B4GALT2: variants seen among roughly 807,000 people sequenced by gnomAD.
B4GALT2 encodes N-acetyllactosamine synthase.
In B4GALT2, 18 loss-of-function variants were observed where a neutral mutation model predicts 33.2. The observed-to-expected ratio is 0.54, with a 90% CI of 0.38 to 0.80. The LOEUF is 0.80. Among genes scored for constraint, B4GALT2 ranks in the 30% least tolerant of loss-of-function variants. B4GALT2 has a pLI of 0.00. For synonymous variants in B4GALT2, 214 were observed against 217.6 expected (o/e 0.98, Z 0.15); for missense variants, 404 against 526.2 (o/e 0.77, Z 2.27).
At position 43,981,783 on chromosome 1, in the gene B4GALT2, G is replaced by A. The variant is rs764103726; in HGVS notation, c.408G>A (p.Pro136=). Reference sequence around the variant, plus strand: ...TGCTCATGGGCGGCCGATACACACCGCCCGACTGCACCCCAGCCCAGACGG... The same window carrying A: ...TGCTCATGGGCGGCCGATACACACCACCCGACTGCACCCCAGCCCAGACGG... The part of the protein sequence containing the change: ...PGVLMGGRYT[P]PDCTPAQTVA... Residue 136 remains proline, a synonymous_variant, in exon 3 of 7, where the codon CCG becomes CCA. Transcript: ENST00000372324. The surrounding 1 kb of genome is among the most constrained non-coding windows in gnomAD (Gnocchi z 8.1). 58 of 1,613,528 alleles carry A rather than the reference G, an allele frequency of 3.6e-5. No individual in the cohort carries two copies. Among genetic ancestry groups the A allele is most frequent in the South Asian group, 6.6e-5 (6 of 91,088 alleles).
Position 43,985,549 on chromosome 1 carries a change from C to G in B4GALT2, c.896C>G (p.Pro299Arg). The G allele has an allele frequency of 6.2e-7, 1 of 1,613,832 alleles. No homozygotes were observed. Among genetic ancestry groups the G allele is most frequent in the Non-Finnish European group, 8.5e-7 (1 of 1,179,978 alleles). The change falls in exon 6 of 7, where the codon CCA becomes CGA. Residue 299 changes from proline (P) to arginine (R), a missense_variant. Coordinates refer to ENST00000372324, the MANE Select transcript of B4GALT2 (RefSeq NM_003780.5). ...ISLTGMKISR[P>R]DIRIGRYRMI... The stretch of plus-strand genomic sequence containing the variant: ...CTGACTGGGATGAAGATCTCACGCC[C>G]AGACATCCGAATCGGCCGCTACCGC...
At position 43,981,206 on chromosome 1, in the gene B4GALT2, G is replaced by C; in HGVS notation, c.46G>C (p.Val16Leu). ...GACGCTGGAGCGCGTCTGCAAGGCT[G>C]TGCTCCTTCTCTGCCTGCTGCACTT... ...GGTLERVCKA[V>L]LLLCLLHFLV... Residue 16 changes from valine to leucine, a missense_variant, in exon 2 of 7, where the codon GTG becomes CTG. By Grantham distance (32) the Val-to-Leu change is conservative. Coordinates refer to ENST00000372324, the MANE Select transcript of B4GALT2 (RefSeq NM_003780.5). This position sits in a 1 kb window ranked among gnomAD's most constrained non-coding sequence, Gnocchi z 8.1. 1 of 1,603,254 alleles carries C rather than the reference G, an allele frequency of 6.2e-7. No homozygotes were observed. The highest frequency in any genetic ancestry group is 8.5e-7 in the Non-Finnish European group (1 of 1,179,870).
In B4GALT2 at chr1:43,982,035, CGGTGTTTG is replaced by C; in HGVS notation, c.549+112_549+119del. The C allele has an allele frequency of 2.8e-6, 3 of 1,075,974 alleles. No individual in the cohort carries two copies. Among genetic ancestry groups the C allele is most frequent in the Non-Finnish European group, 4.0e-6 (3 of 741,118 alleles). The allele number at this position is 1,075,974 out of a possible 1,614,324, so 66.7% of individuals were successfully genotyped here. On this transcript the variant is annotated intron_variant, in intron 3 of 6. Transcript: ENST00000372324. The surrounding 1 kb of genome is among the most constrained non-coding windows in gnomAD (Gnocchi z 4.3). ...GTGGATGGACCTGGGCGTGGGTAGT[CGGTGTTTG>C]TCAGTGTGCACAGGAATGTGTACGC...
At position 43,990,648 on chromosome 1, in the gene B4GALT2, G is replaced by A; in HGVS notation, c.*200G>A. ...CCTCCTGCCTGGGCAGGCTCTTCAAGTGTGGCCCTCTTTGGAGTCAACCCT... is the reference window on the plus strand; with the variant it reads ...CCTCCTGCCTGGGCAGGCTCTTCAAATGTGGCCCTCTTTGGAGTCAACCCT... On this transcript the variant is annotated 3_prime_UTR_variant, in exon 7 of 7. Coordinates refer to ENST00000372324, the MANE Select transcript of B4GALT2 (RefSeq NM_003780.5). 1.4e-6 allele frequency: 1 copy of A among 697,602 alleles called. No homozygotes were observed. The highest frequency in any genetic ancestry group is 2.3e-6 in the Non-Finnish European group (1 of 428,458). The allele number at this position is 697,602 out of a possible 1,614,324, so 43.2% of individuals were successfully genotyped here.
chr1:43,979,852 C>T lies in B4GALT2; in HGVS notation c.-53+341C>T, dbSNP rs2085574420. On this transcript the variant is annotated intron_variant, in intron 1 of 6. Coordinates refer to ENST00000372324, the MANE Select transcript of B4GALT2 (RefSeq NM_003780.5). This position sits in a 1 kb window ranked among gnomAD's most constrained non-coding sequence, Gnocchi z 4.8. Reference sequence around the variant, plus strand: ...AGGCTCCACACCCACCCGGTCTGTGCGGCCTGCCCGTCCGCGGGTGCCACG... The same window carrying T: ...AGGCTCCACACCCACCCGGTCTGTGTGGCCTGCCCGTCCGCGGGTGCCACG... 6 of 732,736 alleles carry T rather than the reference C, an allele frequency of 8.2e-6. No homozygotes were observed. The highest frequency in any genetic ancestry group is 3.6e-5 in the African/African-American group (2 of 55,520). The allele number at this position is 732,736 out of a possible 1,614,324, so 45.4% of individuals were successfully genotyped here.
intron 6 of B4GALT2, 129 bp from the exon 7 acceptor site, chr1:43,990,169 C>T: frequency 8.5e-7 from 1 of 1,179,850 alleles, no homozygotes; most frequent in Non-Finnish European, 1.2e-6. Flanking sequence ...TAGCTGGAAA[C>T]CCTGTTTTTA....
Position 43,985,505 on chromosome 1 carries a change from C to A in B4GALT2, c.864-12C>A, listed in dbSNP as rs542373895. The A allele has an allele frequency of 5.0e-6, 8 of 1,612,736 alleles. No individual in the cohort carries two copies. Among genetic ancestry groups the A allele is most frequent in the Admixed American group, 1.7e-5 (1 of 59,954 alleles). ...CTGGAGCCTGTTCCAGTCTGTCCGTCCCCATCCTCAGGATCTCCCTGACTG... is the reference window on the plus strand; with the variant it reads ...CTGGAGCCTGTTCCAGTCTGTCCGTACCCATCCTCAGGATCTCCCTGACTG... On this transcript the variant is annotated splice_polypyrimidine_tract_variant and intron_variant, in intron 5 of 6. Transcript: ENST00000372324.
chr1:43,985,461 G>A, intron 5 of B4GALT2, 56 bp from the exon 6 acceptor site: 1 of 1,527,786 alleles, frequency 6.5e-7, no homozygotes. Flanking sequence ...TGCAGACTGG[G>A]TGGGGTTCTT....
chr1:43,979,572 G>C lies in B4GALT2; in HGVS notation c.-53+61G>C, dbSNP rs914282214. ...CCCGAGATTCCAGACCCAGCCCCGCGAGGGGCACCCCGAGCGCGGCCCCGA... is the reference window on the plus strand; with the variant it reads ...CCCGAGATTCCAGACCCAGCCCCGCCAGGGGCACCCCGAGCGCGGCCCCGA... On this transcript the variant is annotated intron_variant, in intron 1 of 6. Transcript: ENST00000372324. This position sits in a 1 kb window ranked among gnomAD's most constrained non-coding sequence, Gnocchi z 4.8. 2 of 159,322 alleles carry C rather than the reference G, an allele frequency of 1.3e-5. No homozygotes were observed. Among genetic ancestry groups the C allele is most frequent in the African/African-American group, 4.9e-5 (2 of 41,138 alleles). The allele number at this position is 159,322 out of a possible 1,614,324, so 9.9% of individuals were successfully genotyped here.
chr1:43,982,175 G>A lies in B4GALT2; in HGVS notation c.549+251G>A, dbSNP rs1021966086. ...CCTTGGCAGGCCTCACCCCATGGTG[G>A]TGCAGGCCTTGGGTATGCTGTAGGA... On this transcript the variant is annotated intron_variant, in intron 3 of 6. Coordinates refer to ENST00000372324, the MANE Select transcript of B4GALT2 (RefSeq NM_003780.5). This position sits in a 1 kb window ranked among gnomAD's most constrained non-coding sequence, Gnocchi z 4.3. 6.6e-6 allele frequency among the ~76,000 whole-genome samples: 1 copy of A among 152,342 alleles called. No individual in the cohort carries two copies. The highest frequency in any genetic ancestry group is 2.4e-5 in the African/African-American group (1 of 41,588).
chr1:43,981,422 G>A lies in B4GALT2; in HGVS notation c.262G>A (p.Gly88Ser), dbSNP rs367580012. The A allele has an allele frequency of 1.4e-5, 22 of 1,594,560 alleles. No individual in the cohort carries two copies. Among genetic ancestry groups the A allele is most frequent in the African/African-American group, 8.0e-5 (6 of 74,854 alleles). ...CCCTGAGGTCCCCAGTGCCCTGCCC[G>A]GTCCCACGGCTCCCACGCTGCCACC... is the stretch of plus-strand genomic sequence containing the variant. ...GLPEVPSALP[G>S]PTAPTLPPCP... is the part of the protein sequence containing the mutation. Residue 88 changes from glycine (G) to serine (S), a missense_variant, in exon 2 of 7, where the codon GGT becomes AGT. Transcript: ENST00000372324. The surrounding 1 kb of genome is among the most constrained non-coding windows in gnomAD (Gnocchi z 8.1).
intron 1 of B4GALT2, chr1:43,980,173 C>G: frequency 9.5e-7 from 1 of 1,053,676 alleles, no homozygotes; most frequent in African/African-American, 1.7e-5. Context: ...CTGTGAGACT[C>G]ACCCTGCTCC....
In B4GALT2 at chr1:43,990,365, GTC is replaced by G; in HGVS notation, c.1038_1039del (p.Leu347GlyfsTer109). The G allele has an allele frequency of 6.2e-7, 1 of 1,614,194 alleles. No homozygotes were observed. The highest frequency in any genetic ancestry group is 8.5e-7 in the Non-Finnish European group (1 of 1,180,026). On this transcript the variant is annotated frameshift_variant, in exon 7 of 7. Transcript: ENST00000372324. LOFTEE classifies it high-confidence loss of function. The part of the protein sequence containing the change: ...RDGIGSVRYQ[V>X]LEVSRQPLFT... ...CGGCATTGGGTCAGTGCGGTACCAG[GTC>G]TTGGAGGTGTCTCGGCAACCACTCT...
intron 6 of B4GALT2, among the ~76,000 whole-genome samples, chr1:43,986,875 C>G (rs143618284): frequency 2.6e-5 from 4 of 152,162 alleles, no homozygotes; most frequent in African/African-American, 7.2e-5. Flanking sequence ...CTGAAGGAAT[C>G]GATGGAGTCC....
At position 43,981,942 on chromosome 1, in the gene B4GALT2, C is replaced by T; in HGVS notation, c.549+18C>T. The T allele has an allele frequency of 6.2e-7, 1 of 1,610,934 alleles. No homozygotes were observed. On this transcript the variant is annotated intron_variant, in intron 3 of 6. Transcript: ENST00000372324. This position sits in a 1 kb window ranked among gnomAD's most constrained non-coding sequence, Gnocchi z 8.1. ...TCAACCAGGTGCCCATGCGGGGGTCCATGTGCCTGTTGGTGTATATATGTG... is the reference window on the plus strand; with the variant it reads ...TCAACCAGGTGCCCATGCGGGGGTCTATGTGCCTGTTGGTGTATATATGTG...
At position 43,981,151 on chromosome 1, in the gene B4GALT2, C is replaced by G. The variant is rs749684547; in HGVS notation, c.-10C>G. 1.3e-6 allele frequency: 2 copies of G among 1,597,776 alleles called. No individual in the cohort carries two copies. The highest frequency in any genetic ancestry group is 1.7e-6 in the Non-Finnish European group (2 of 1,179,130). ...CGGGCCCACTGGGCGGGCCAGTGGC[C>G]GCCTGCGGGATGAGCAGACTGCTGG... On this transcript the variant is annotated 5_prime_UTR_variant, in exon 2 of 7. Transcript: ENST00000372324. This position sits in a 1 kb window ranked among gnomAD's most constrained non-coding sequence, Gnocchi z 8.1.
intron 6 of B4GALT2, among the ~76,000 whole-genome samples, chr1:43,986,912 G>A (rs1557652805): frequency 6.6e-6 from 1 of 152,188 alleles, no homozygotes; most frequent in Admixed American, 6.5e-5. Context: ...ACAGGGCCTG[G>A]GGATGGAGGT....
At chr1:43,987,701 C>T (rs1487753958) in intron 6 of B4GALT2, among the ~76,000 whole-genome samples, 1 of 152,310 alleles carries the variant, frequency 6.6e-6, no homozygotes, top group East Asian at 1.9e-4. Context: ...TTAAACATTT[C>T]TCAGAGCCTT....
chr1:43,982,494 C>G lies in B4GALT2; in HGVS notation c.549+570C>G, dbSNP rs1247909500. On this transcript the variant is annotated intron_variant, in intron 3 of 6. Transcript: ENST00000372324. This position sits in a 1 kb window ranked among gnomAD's most constrained non-coding sequence, Gnocchi z 4.3. ...GGGGGCCGTGGGAGCACAGAGGGCC[C>G]CAGTCCAGCCCTGGGGTTGGGAAGC... is the stretch of plus-strand genomic sequence containing the variant. 1.3e-5 allele frequency among the ~76,000 whole-genome samples: 2 copies of G among 152,122 alleles called. No individual in the cohort carries two copies. Among genetic ancestry groups the G allele is most frequent in the Non-Finnish European group, 2.9e-5 (2 of 68,024 alleles).
Sources: gnomAD v4.1 joint callset for allele counts (sites outside exome capture counted in the v4.1 genomes callset) on GRCh38, gnomAD v4.1.1 for gene constraint, Gnocchi (gnomAD v3.1) non-coding constraint, MANE v1.5 for transcripts, NCBI Gene and HGNC (gene_info 2026-07-23, HGNC 2026-07-21) for gene names.